The following FHIP1B variants were observed in gnomAD, a reference collection of about 807,000 sequenced individuals.
The protein encoded by FHIP1B is FHF complex subunit HOOK-interacting protein 1B.
FHIP1B carries 28 observed loss-of-function variants against 82.2 expected under a neutral mutation model. The ratio of observed to expected loss-of-function variants is 0.34; its 90% CI spans 0.25 to 0.47. The LOEUF (loss-of-function observed/expected upper bound fraction) is 0.47. FHIP1B is among the 20% of genes least tolerant of loss of function. The pLI is 1.00. For missense variants in FHIP1B, 1,110 were observed against 1,262.6 expected (o/e 0.88, Z 1.83); for synonymous variants, 585 against 516.1 (o/e 1.13, Z -1.81).
At chr11:6,228,165 C>T (rs546213896) in intron 1 of FHIP1B, among the ~76,000 whole-genome samples, 5 of 151,978 alleles carry the variant, frequency 3.3e-5, no homozygotes, top group Admixed American at 6.5e-5. Flanking sequence ...CTGACCAACA[C>T]GGTGAAACCC....
chr11:6,218,069 A>G lies in FHIP1B; in HGVS notation c.1517T>C (p.Leu506Pro). The change falls in exon 9 of 12, where the codon CTG becomes CCG. Residue 506 changes from leucine (L) to proline (P), a missense_variant. Physicochemically the swap from Leu to Pro is moderately conservative, Grantham distance 98. Transcript: ENST00000449352. ...PSTPSRLALF[L>P]RQQSLGGSES... ...AGAGCCACCCAGGCTCTGCTGCCGC[A>G]GGAAGAGAGCCAGACGAGATGGTGT... 6.2e-7 allele frequency: 1 copy of G among 1,613,678 alleles called. No individual in the cohort carries two copies. The highest frequency in any genetic ancestry group is 8.5e-7 in the Non-Finnish European group (1 of 1,179,834).
Position 6,224,054 on chromosome 11 carries a change from T to C in FHIP1B, c.333A>G (p.Thr111=), listed in dbSNP as rs750012909. The C allele has an allele frequency of 3.1e-6, 5 of 1,613,508 alleles. No homozygotes were observed. Among genetic ancestry groups the C allele is most frequent in the South Asian group, 1.1e-5 (1 of 90,964 alleles). The change falls in exon 3 of 12, where the codon ACA becomes ACG. Residue 111 remains threonine, a synonymous_variant. Transcript: ENST00000449352. ...CAAGCTCATCCCATTGCAGCTGCCA[T>C]GTCAACACACGGGTCAGCAGATCCT... ...LHEDLLTRVL[T]WQLQWDELGD...
At chr11:6,233,659 T>C (rs780540794) in intron 1 of FHIP1B, among the ~76,000 whole-genome samples, 2 of 152,180 alleles carry the variant, frequency 1.3e-5, no homozygotes, top group African/African-American at 2.4e-5. Context: ...ATCCTAAATA[T>C]AGTACTGTAT....
In FHIP1B at chr11:6,223,318, G is replaced by C; in HGVS notation, c.778-80C>G. 1 of 1,419,644 alleles carries C rather than the reference G, an allele frequency of 7.0e-7. No homozygotes were observed. Among genetic ancestry groups the C allele is most frequent in the Non-Finnish European group, 9.6e-7 (1 of 1,044,242 alleles). 87.9% of individuals were successfully genotyped at this position (1,419,644 alleles called of 1,614,324 possible). A position where few individuals can be genotyped will look rare whatever the true frequency, so the allele number is the denominator to read the frequency against. ...CTGGAACAGGGGAGCTAGTAATCCA[G>C]AGTTTTGATGGGAATAGGGGTATAA... is the stretch of plus-strand genomic sequence containing the variant. On this transcript the variant is annotated intron_variant, in intron 3 of 11. Coordinates refer to ENST00000449352, the MANE Select transcript of FHIP1B (RefSeq NM_001098794.2). This position sits in a 1 kb window ranked among gnomAD's most constrained non-coding sequence, Gnocchi z 4.8.
chr11:6,222,746 G>C (rs1847448103), intron 5 of FHIP1B, 65 bp downstream of exon 5: 1 of 1,568,336 alleles, frequency 6.4e-7, no homozygotes, highest in Admixed American at 1.7e-5. Flanking sequence ...TCCTACGTTA[G>C]TCCTGTCACT....
chr11:6,215,143 C>T, intron 9 of FHIP1B: 1 of 403,116 alleles, frequency 2.5e-6, no homozygotes, highest in Middle Eastern at 6.3e-4. Context: ...AGCTGACAAG[C>T]CAGATCTTAG....
In FHIP1B at chr11:6,223,148, C is replaced by T; in HGVS notation, c.868G>A (p.Asp290Asn). The T allele has an allele frequency of 6.2e-7, 1 of 1,607,706 alleles. No individual in the cohort carries two copies. Among genetic ancestry groups the T allele is most frequent in the Non-Finnish European group, 8.5e-7 (1 of 1,178,428 alleles). ...GDDWHCLRRE[D>N]WLGVPALALF... Reference sequence around the variant, plus strand: ...GCAAGGGCTGGCACTCCCAGCCAGTCTTCCCGTCGCAGACAGTGCCAATCA... The same window carrying T: ...GCAAGGGCTGGCACTCCCAGCCAGTTTTCCCGTCGCAGACAGTGCCAATCA... Residue 290 changes from aspartate to asparagine, a missense_variant, in exon 4 of 12, where the codon GAC becomes AAC. Coordinates refer to ENST00000449352, the MANE Select transcript of FHIP1B (RefSeq NM_001098794.2). This position sits in a 1 kb window ranked among gnomAD's most constrained non-coding sequence, Gnocchi z 4.8.
chr11:6,230,171 G>C (rs1464752343), intron 1 of FHIP1B, among the ~76,000 whole-genome samples: 4 of 152,162 alleles, frequency 2.6e-5, no homozygotes, highest in Non-Finnish European at 5.9e-5. Flanking sequence ...GCAGATACAG[G>C]GCAGGAAGTG....
In FHIP1B at chr11:6,211,590, A is replaced by G. The variant is rs765338857; in HGVS notation, c.2835T>C (p.His945=). The change falls in exon 12 of 12, where the codon CAT becomes CAC. Residue 945 remains histidine, a synonymous_variant. Transcript: ENST00000449352. ...LKELAAISQA[H]AVTSPFLLET... ...CCAACAAGAAAGGCGAGGTGACGGC[A>G]TGAGCCTGGGAGATGGCAGCCAACT... 1.9e-6 allele frequency: 3 copies of G among 1,614,236 alleles called. No homozygotes were observed. The highest frequency in any genetic ancestry group is 3.3e-4 in the Middle Eastern group (2 of 6,062).
chr11:6,230,154 C>T (rs533748910), intron 1 of FHIP1B, among the ~76,000 whole-genome samples: 12 of 152,248 alleles, frequency 7.9e-5, no homozygotes, highest in Admixed American at 5.9e-4. Flanking sequence ...CAACCAACCT[C>T]GGAACTGCAG....
rs1237905124 is a variant in FHIP1B at position 6,224,473 on chromosome 11, G to A, written c.44C>T (p.Pro15Leu). 2 of 1,614,120 alleles carry A rather than the reference G, an allele frequency of 1.2e-6. No individual in the cohort carries two copies. The highest frequency in any genetic ancestry group is 1.7e-6 in the Non-Finnish European group (2 of 1,179,980). ...NWLSRLASRG[P>L]GHRIPQGANL... is the part of the protein sequence containing the mutation. ...GGCCCCTTGAGGTATACGGTGCCCA[G>A]GGCCCCGGGAGGCCAGTCTGCTCAG... Residue 15 changes from proline to leucine, a missense_variant, in exon 2 of 12, where the codon CCT (proline) becomes CTT (leucine). Transcript: ENST00000449352.
chr11:6,219,653 GA>G (rs1249766132), intron 6 of FHIP1B, among the ~76,000 whole-genome samples: 1 of 152,184 alleles, frequency 6.6e-6, no homozygotes, highest in Non-Finnish European at 1.5e-5. Flanking sequence ...AAGATTAGAG[GA>G]AATCTTTTAT....
chr11:6,226,300 G>A (rs1179175338), intron 1 of FHIP1B, among the ~76,000 whole-genome samples: 3 of 152,204 alleles, frequency 2.0e-5, no homozygotes, highest in Admixed American at 6.5e-5. Flanking sequence ...TAAAGAGCAG[G>A]TAGGGCTTAC....
chr11:6,231,341 T>C (rs996291660), intron 1 of FHIP1B, among the ~76,000 whole-genome samples: 3 of 152,084 alleles, frequency 2.0e-5, no homozygotes, highest in Non-Finnish European at 4.4e-5. Flanking sequence ...AGACTATGAA[T>C]TCTGTTTTGG....
At position 6,218,918 on chromosome 11, in the gene FHIP1B, A is replaced by G. The variant is rs1174117361; in HGVS notation, c.1271+53T>C. ...ATAGCCCATTGCCCCAGCAATGCAT[A>G]AGACTCTGAGGCTTCAGGGTCAGCC... On this transcript the variant is annotated intron_variant, in intron 7 of 11. Transcript: ENST00000449352. The G allele has an allele frequency of 1.1e-5, 18 of 1,594,374 alleles. No individual in the cohort carries two copies. The Admixed American group carries it at 3.0e-4, about 27-fold the overall frequency.
chr11:6,222,607 G>C lies in FHIP1B; in HGVS notation c.1026C>G (p.Thr342=). Residue 342 remains threonine (T), a splice_region_variant and synonymous_variant, in exon 6 of 12, where the codon ACC becomes ACG. Coordinates refer to ENST00000449352, the MANE Select transcript of FHIP1B (RefSeq NM_001098794.2). The part of the protein sequence containing the change: ...VPVMGPALHK[T]SVEEMIASTA... ...TACTGGCGATCATCTCCTCCACAGA[G>C]GTCTGCACAAAAAGAAGGGAAAGTC... is the stretch of plus-strand genomic sequence containing the variant. The C allele has an allele frequency of 6.2e-7, 1 of 1,613,960 alleles. No individual in the cohort carries two copies. The highest frequency in any genetic ancestry group is 8.5e-7 in the Non-Finnish European group (1 of 1,179,938).
At chr11:6,226,347 T>C (rs1590631594) in intron 1 of FHIP1B, among the ~76,000 whole-genome samples, 1 of 152,220 alleles carries the variant, frequency 6.6e-6, no homozygotes, top group African/African-American at 2.4e-5. Context: ...GATAAAATAC[T>C]GGGCACTGTT....
At chr11:6,232,461 A>G (rs1436230241) in intron 1 of FHIP1B, among the ~76,000 whole-genome samples, 1 of 152,176 alleles carries the variant, frequency 6.6e-6, no homozygotes, top group Non-Finnish European at 1.5e-5. Flanking sequence ...TCATTAAAAA[A>G]TCCTCCCACA....
Position 6,214,775 on chromosome 11 carries a change from G to A in FHIP1B, c.2352C>T (p.Asn784=), listed in dbSNP as rs1371205335. 2.5e-6 allele frequency: 4 copies of A among 1,604,364 alleles called. No homozygotes were observed. The highest frequency in any genetic ancestry group is 2.2e-5 in the South Asian group (2 of 89,830). Residue 784 remains asparagine, a synonymous_variant, in exon 10 of 12, where the codon AAC becomes AAT. Coordinates refer to ENST00000449352, the MANE Select transcript of FHIP1B (RefSeq NM_001098794.2). ...PQPLLRSFLL[N]TNMVFQPSVK... ...CACTGGGCTGGAAGACCATGTTGGT[G>A]TTGAGCAGGAAAGAGCGGAGCAGGG... is the stretch of plus-strand genomic sequence containing the variant.
Sources: allele counts gnomAD v4.1 joint callset (sites outside exome capture counted in the v4.1 genomes callset), GRCh38; gene constraint gnomAD v4.1.1; non-coding constraint Gnocchi (gnomAD v3.1); transcripts MANE v1.5; gene names NCBI Gene and HGNC (gene_info 2026-07-23, HGNC 2026-07-21).